The following NR1H4 variants were observed in gnomAD, a reference collection of about 807,000 sequenced individuals.
NR1H4 encodes the protein bile acid receptor.
Under a neutral mutation model 58.5 loss-of-function variants are expected in NR1H4, and 23 were observed. That is an observed-to-expected ratio of 0.39 (90% CI 0.28 to 0.56). The LOEUF (loss-of-function observed/expected upper bound fraction) is 0.56. NR1H4 is among the 20% of genes least tolerant of loss of function. The probability of loss-of-function intolerance (pLI) is 0.58; values close to 1 mark genes in which losing one functional copy is unlikely to be tolerated. For synonymous variants in NR1H4, 214 were observed against 198.0 expected, an observed-to-expected ratio of 1.08 and a Z score of -0.68; for missense variants, 487 against 576.9, an observed-to-expected ratio of 0.84 and a Z score of 1.60.
intron 3 of NR1H4, among the ~76,000 whole-genome samples, chr12:100,510,265 A>G (rs532618283): frequency 1.3e-5 from 2 of 152,314 alleles, no homozygotes; most frequent in South Asian, 4.1e-4. Context: ...AAGGACATTG[A>G]AGTTTAAAAA....
chr12:100,482,047 A>G (rs1448266931), intron 1 of NR1H4, among the ~76,000 whole-genome samples: 1 of 152,212 alleles, frequency 6.6e-6, no homozygotes, highest in Non-Finnish European at 1.5e-5. Flanking sequence ...GACTGCAGCG[A>G]GCTAAGATCG....
chr12:100,551,995 A>G (rs145714865), intron 9 of NR1H4, among the ~76,000 whole-genome samples: 412 of 152,334 alleles, frequency 2.7e-3, no homozygotes, highest in African/African-American at 9.5e-3. Context: ...TTACAGTTGC[A>G]ATACTTTTCC....
intron 1 of NR1H4, among the ~76,000 whole-genome samples, chr12:100,482,633 A>G (rs1303721050): frequency 6.6e-6 from 1 of 152,188 alleles, no homozygotes; most frequent in East Asian, 1.9e-4. Flanking sequence ...TTACAATGGT[A>G]ACACCACTGC....
At chr12:100,515,181 T>C (rs1036309982) in intron 4 of NR1H4, among the ~76,000 whole-genome samples, 1 of 147,858 alleles carries the variant, frequency 6.8e-6, no homozygotes, top group African/African-American at 2.5e-5. Context: ...TTTTTTTTTT[T>C]TTTTTTTGAG....
In NR1H4 at chr12:100,535,422, T is replaced by C. The variant is rs369172964; in HGVS notation, c.732+399T>C. On this transcript the variant is annotated intron_variant, in intron 6 of 10. Transcript: ENST00000392986. Reference sequence around the variant, plus strand: ...ATCCTTATAAATGAGTAAAACAGGGTGAATACACGTATGTGGATGAATAGA... The same window carrying C: ...ATCCTTATAAATGAGTAAAACAGGGCGAATACACGTATGTGGATGAATAGA... Among the ~76,000 whole-genome samples, 12 of 152,224 alleles carry C rather than the reference T, an allele frequency of 7.9e-5. No homozygotes were observed. The East Asian group carries it at 1.2e-3, about 15-fold the overall frequency.
chr12:100,500,638 A>T (rs1371142631), intron 3 of NR1H4, among the ~76,000 whole-genome samples: 1 of 152,168 alleles, frequency 6.6e-6, no homozygotes, highest in East Asian at 1.9e-4. Flanking sequence ...AGACTTGGTG[A>T]CAGGTGATTG....
intron 3 of NR1H4, chr12:100,505,588 C>G: frequency 1.4e-6 from 1 of 701,760 alleles, no homozygotes; most frequent in Non-Finnish European, 2.6e-6. Flanking sequence ...TTCTCAGACT[C>G]CCCTGGAGTC....
chr12:100,506,976 C>T (rs899572081), intron 3 of NR1H4, among the ~76,000 whole-genome samples: 4 of 152,108 alleles, frequency 2.6e-5, no homozygotes, highest in Non-Finnish European at 4.4e-5. Flanking sequence ...TGACTTGGGA[C>T]TCCTTTGTAT....
chr12:100,560,510 C>T (rs377011102), intron 9 of NR1H4, among the ~76,000 whole-genome samples: 1 of 151,988 alleles, frequency 6.6e-6, no homozygotes, highest in South Asian at 2.1e-4. Flanking sequence ...TAACACTCAC[C>T]GCAAAGGTCT....
At chr12:100,547,918 T>C (rs188048909) in intron 9 of NR1H4, among the ~76,000 whole-genome samples, 2,051 of 150,688 alleles carry the variant, frequency 0.014, 53 homozygotes, top group African/African-American at 0.047. Flanking sequence ...GACGGGGTTT[T>C]ACCATGTTAG....
At position 100,513,378 on chromosome 12, in the gene NR1H4, C is replaced by T. The variant is rs779628059; in HGVS notation, c.445+2235C>T. Among the ~76,000 whole-genome samples, 93 of 152,158 alleles carry T rather than the reference C, an allele frequency of 6.1e-4. 1 individual carries two copies. The highest frequency in any genetic ancestry group is 1.1e-3 in the Non-Finnish European group (77 of 68,032). On this transcript the variant is annotated intron_variant, in intron 4 of 10. Coordinates refer to ENST00000392986, the MANE Select transcript of NR1H4 (RefSeq NM_001206979.2). ...AATGATAAAAAGTAAATATTACCCT[C>T]GATTCCTATATGAAGTGGCAGATCT...
At chr12:100,563,144 TACA>T (rs1453236193) in intron 10 of NR1H4, 104 bp from the exon 11 acceptor site, 29 of 868,924 alleles carry the variant, frequency 3.3e-5, no homozygotes, top group South Asian at 7.4e-5. Flanking sequence ...ACATTTTGTG[TACA>T]ACATTTAACT....
chr12:100,563,080 G>A (rs1282408969), intron 10 of NR1H4, among the ~76,000 whole-genome samples, 171 bp from the exon 11 acceptor site: 1 of 152,126 alleles, frequency 6.6e-6, no homozygotes, highest in East Asian at 1.9e-4. Context: ...TCTTGATCTC[G>A]TTATAATTAC....
chr12:100,518,788 CTTT>C (rs34055370), intron 4 of NR1H4, among the ~76,000 whole-genome samples: 1 of 119,268 alleles, frequency 8.4e-6, no homozygotes. Flanking sequence ...TGACCAATGA[CTTT>C]TTTTTTTTTT....
At position 100,532,560 on chromosome 12, in the gene NR1H4, G is replaced by A. The variant is rs751722509; in HGVS notation, c.548G>A (p.Arg183Gln). ...MYMRRKCQEC[R>Q]LRKCKEMGML... ...ATGCGAAGAAAGTGTCAAGAGTGTC[G>A]ACTAAGGAAATGCAAAGAGATGGGA... is the stretch of plus-strand genomic sequence containing the variant. The change falls in exon 5 of 11, where the codon CGA becomes CAA. Residue 183 changes from arginine to glutamine, a missense_variant. Physicochemically the swap from Arg to Gln is conservative, Grantham distance 43 (BLOSUM62 1). Coordinates refer to ENST00000392986, the MANE Select transcript of NR1H4 (RefSeq NM_001206979.2). 2 of 1,613,938 alleles carry A rather than the reference G, an allele frequency of 1.2e-6. No homozygotes were observed. The highest frequency in any genetic ancestry group is 1.7e-6 in the Non-Finnish European group (2 of 1,179,972).
rs752861316 is a variant in NR1H4 at position 100,493,296 on chromosome 12, G to A, written c.-28G>A. 5 of 1,155,906 alleles carry A rather than the reference G, an allele frequency of 4.3e-6. No homozygotes were observed. In the African/African-American group the frequency reaches 6.0e-5, roughly 14 times the overall value. 71.6% of individuals were successfully genotyped at this position (1,155,906 alleles called of 1,614,324 possible). On this transcript the variant is annotated 5_prime_UTR_variant, in exon 3 of 11. Transcript: ENST00000392986. ...AGTTTTTTTTGAAGACCACCATAAA[G>A]AAAGTGCATTTCAATTGAAAAATTT... is the stretch of plus-strand genomic sequence containing the variant.
intron 3 of NR1H4, among the ~76,000 whole-genome samples, chr12:100,500,421 A>G (rs1305786762): frequency 6.6e-6 from 1 of 152,228 alleles, no homozygotes; most frequent in Non-Finnish European, 1.5e-5. Flanking sequence ...ACTTTCTGTG[A>G]CGAAGGAAAT....
chr12:100,536,519 C>T lies in NR1H4; in HGVS notation c.740C>T (p.Thr247Ile), dbSNP rs776814580. ...ATTTTCTTGCCAGTGTAGGAGAAAA[C>T]TGAACTCACCCCAGATCAACAGACT... ...TSTTKSCREKTELTPDQQTLL... is the reference protein window; with the variant it reads ...TSTTKSCREKIELTPDQQTLL... The change falls in exon 7 of 11, where the codon ACT (threonine) becomes ATT (isoleucine). Residue 247 changes from threonine (T) to isoleucine (I), a missense_variant. Coordinates refer to ENST00000392986, the MANE Select transcript of NR1H4 (RefSeq NM_001206979.2). The T allele has an allele frequency of 4.6e-5, 74 of 1,603,262 alleles. No individual in the cohort carries two copies. The South Asian group carries it at 7.4e-4, about 16-fold the overall frequency.
chr12:100,541,605 CTT>C (rs111792361), intron 9 of NR1H4, among the ~76,000 whole-genome samples: 15 of 143,016 alleles, frequency 1.0e-4, no homozygotes, highest in East Asian at 4.1e-4. Flanking sequence ...TTTTTCTTTT[CTT>C]TTTTTTTTTT....
Sources: gnomAD v4.1 joint callset for allele counts (sites outside exome capture counted in the v4.1 genomes callset) on GRCh38, gnomAD v4.1.1 for gene constraint, MANE v1.5 for transcripts, NCBI Gene and HGNC (gene_info 2026-07-23, HGNC 2026-07-21) for gene names.